PKD1L3: variants seen among roughly 807,000 people sequenced by gnomAD.
The protein encoded by PKD1L3 is polycystin-1-like protein 3.
A neutral mutation model predicts 184.1 loss-of-function variants in PKD1L3; 239 were observed. The ratio of observed to expected loss-of-function variants is 1.30; its 90% CI spans 1.17 to 1.45. The LOEUF (loss-of-function observed/expected upper bound fraction) is 1.45, where lower values mean the gene tolerates loss of function less well. Ranked by LOEUF, PKD1L3 falls within the 40% of genes most tolerant of loss-of-function variation. The pLI is 0.00. For missense variants in PKD1L3, 2,660 were observed against 2,067.2 expected (o/e 1.29, Z -5.56); for synonymous variants, 996 against 778.8 (o/e 1.28, Z -4.64).
chr16:71,957,808 G>T (rs2039105209), intron 16 of PKD1L3, among the ~76,000 whole-genome samples: 1 of 152,104 alleles, frequency 6.6e-6, no homozygotes, highest in Non-Finnish European at 1.5e-5. Context: ...AAAAAGGGCT[G>T]GAGTGGCTAT....
intron 24 of PKD1L3, among the ~76,000 whole-genome samples, chr16:71,937,731 CAGAG>C (rs1331616566): frequency 1.3e-5 from 2 of 152,138 alleles, no homozygotes; most frequent in Non-Finnish European, 2.9e-5. Flanking sequence ...AGAGTGGCTG[CAGAG>C]AGAGGTCTAA....
chr16:71,994,136 A>T (rs1183804636), intron 2 of PKD1L3, among the ~76,000 whole-genome samples: 2 of 152,184 alleles, frequency 1.3e-5, no homozygotes, highest in African/African-American at 4.8e-5. Context: ...ACACAATTGG[A>T]CATGGCTAGA....
At position 71,968,094 on chromosome 16, in the gene PKD1L3, C is replaced by T. The variant is rs1227080842; in HGVS notation, c.2185-87G>A. 13 of 1,078,192 alleles carry T rather than the reference C, an allele frequency of 1.2e-5. No homozygotes were observed. The East Asian group carries it at 2.4e-4, about 20-fold the overall frequency. 66.8% of individuals were successfully genotyped at this position (1,078,192 alleles called of 1,614,324 possible). On this transcript the variant is annotated intron_variant, in intron 13 of 29. Transcript: ENST00000620267. ...TCCAGCTGAGGAGCAGGAGGATGAA[C>T]TCCGGCAGGTGTCTGGCAGCCCTGC... is the stretch of plus-strand genomic sequence containing the variant.
At position 71,954,309 on chromosome 16, in the gene PKD1L3, G is replaced by A. The variant is rs1177632919; in HGVS notation, c.2613-8C>T. 3.3e-6 allele frequency: 5 copies of A among 1,515,494 alleles called. No individual in the cohort carries two copies. Among genetic ancestry groups the A allele is most frequent in the Non-Finnish European group, 2.7e-6 (3 of 1,126,866 alleles). The allele number at this position is 1,515,494 out of a possible 1,614,324, so 93.9% of individuals were successfully genotyped here. A position where few individuals can be genotyped will look rare whatever the true frequency, so the allele number is the denominator to read the frequency against. Reference sequence around the variant, plus strand: ...ATGGAGGAAAACAGATGTCTGAAAAGAGAAATCAGAAGAGGAAATACATGA... The same window carrying A: ...ATGGAGGAAAACAGATGTCTGAAAAAAGAAATCAGAAGAGGAAATACATGA... On this transcript the variant is annotated splice_region_variant and splice_polypyrimidine_tract_variant and intron_variant, in intron 16 of 29. Transcript: ENST00000620267.
intron 15 of PKD1L3, among the ~76,000 whole-genome samples, chr16:71,966,333 G>T (rs573478095): frequency 9.9e-5 from 15 of 152,130 alleles, no homozygotes; most frequent in Non-Finnish European, 2.1e-4. Context: ...TAACACGTTA[G>T]GTTCAAGGAC....
intron 24 of PKD1L3, 67 bp downstream of exon 24, chr16:71,942,493 G>C (rs2038394678): frequency 5.2e-6 from 7 of 1,342,078 alleles, no homozygotes; most frequent in African/African-American, 1.5e-5. Flanking sequence ...CCACATTCCT[G>C]GTTTTGCACT....
chr16:71,947,031 G>T (rs2038643810), intron 22 of PKD1L3, among the ~76,000 whole-genome samples: 1 of 151,752 alleles, frequency 6.6e-6, no homozygotes, highest in Non-Finnish European at 1.5e-5. Flanking sequence ...CGAGGAGAGT[G>T]GATCACCTGA....
Position 71,942,570 on chromosome 16 carries a change from G to T in PKD1L3, c.4314C>A (p.Tyr1438Ter). 1 of 1,551,160 alleles carries T rather than the reference G, an allele frequency of 6.4e-7. No homozygotes were observed. The highest frequency in any genetic ancestry group is 8.7e-7 in the Non-Finnish European group (1 of 1,146,666). ...LTSKNENGFS[Y>*]IMRGAFFTSL... ...GGTCACTCCAGTTACCTCTCATGAT[G>T]TAACTGAATCCATTCTCATTCTTGC... The change falls in exon 24 of 30, where the codon TAC becomes TAA. Residue 1438 changes from tyrosine to a stop codon, truncating the protein, a stop_gained. Transcript: ENST00000620267. LOFTEE classifies it high-confidence loss of function.
chr16:71,986,005 G>C (rs781289081), intron 5 of PKD1L3, among the ~76,000 whole-genome samples: 1 of 152,210 alleles, frequency 6.6e-6, no homozygotes, highest in Non-Finnish European at 1.5e-5. Context: ...GCATTAAATA[G>C]AATAGCATTA....
intron 2 of PKD1L3, among the ~76,000 whole-genome samples, chr16:71,995,133 A>G (rs1034032387): frequency 2.0e-5 from 3 of 152,178 alleles, no homozygotes; most frequent in African/African-American, 7.2e-5. Flanking sequence ...GTCCAAGAAG[A>G]AGGCACTGGC....
chr16:71,990,535 C>G (rs1475797215), intron 3 of PKD1L3, among the ~76,000 whole-genome samples: 1 of 151,970 alleles, frequency 6.6e-6, no homozygotes, highest in Non-Finnish European at 1.5e-5. Flanking sequence ...GAGTTTGAGA[C>G]CAGCCTGGCC....
chr16:71,936,349 C>T (rs1157734806), intron 25 of PKD1L3, among the ~76,000 whole-genome samples: 1 of 149,442 alleles, frequency 6.7e-6, no homozygotes, highest in Non-Finnish European at 1.5e-5. Context: ...ACTATAGGAG[C>T]CCGCCACCAT....
At chr16:71,943,552 A>AC (rs2038441818) in intron 23 of PKD1L3, among the ~76,000 whole-genome samples, 1 of 151,666 alleles carries the variant, frequency 6.6e-6, no homozygotes, top group African/African-American at 2.4e-5. Context: ...AAAAAAAAAA[A>AC]AAAAAACATA....
At chr16:71,965,384 T>C (rs2039462623) in intron 15 of PKD1L3, among the ~76,000 whole-genome samples, 1 of 152,170 alleles carries the variant, frequency 6.6e-6, no homozygotes, top group Non-Finnish European at 1.5e-5. Flanking sequence ...TTGTTTATCT[T>C]GGGTAAATAC....
At chr16:71,959,030 G>A (rs1232075639) in intron 16 of PKD1L3, among the ~76,000 whole-genome samples, 1 of 143,544 alleles carries the variant, frequency 7.0e-6, no homozygotes, top group Non-Finnish European at 1.5e-5. Flanking sequence ...GTTATAGTAA[G>A]CTGAGATTGC....
At chr16:71,933,647 A>ATTCT (rs1169289249) in intron 27 of PKD1L3, 126 bp from the exon 28 acceptor site, 2 of 767,934 alleles carry the variant, frequency 2.6e-6, no homozygotes, top group East Asian at 5.4e-5. Flanking sequence ...ATTATGCCCA[A>ATTCT]AGAATACATA....
At chr16:71,956,507 A>G (rs371358428) in intron 16 of PKD1L3, among the ~76,000 whole-genome samples, 1 of 152,226 alleles carries the variant, frequency 6.6e-6, no homozygotes, top group African/African-American at 2.4e-5. Context: ...AAGGAAGGAA[A>G]TTCTTGCACA....
At chr16:71,977,105 T>TA (rs1366489586) in intron 11 of PKD1L3, 131 bp downstream of exon 11, 5 of 712,416 alleles carry the variant, frequency 7.0e-6, no homozygotes, top group Non-Finnish European at 1.2e-5. Flanking sequence ...CCCAGCTACT[T>TA]AAGAGGCTAA....
chr16:71,930,755 G>A (rs1020521081), intron 28 of PKD1L3: 2 of 152,020 alleles, frequency 1.3e-5, no homozygotes, highest in Non-Finnish European at 2.9e-5. Flanking sequence ...TTATTGGAAT[G>A]GTTCCCATAA....
Sources: gnomAD v4.1 joint callset for allele counts (sites outside exome capture counted in the v4.1 genomes callset) on GRCh38, gnomAD v4.1.1 for gene constraint, MANE v1.5 for transcripts, NCBI Gene and HGNC (gene_info 2026-07-23, HGNC 2026-07-21) for gene names.